WDR72: variants seen among roughly 807,000 people sequenced by gnomAD.
WDR72 encodes WD repeat domain 72, also known as WD repeat-containing protein 72.
In WDR72, 120 loss-of-function variants were observed where a neutral mutation model predicts 124.2. That is an observed-to-expected ratio of 0.97 (90% CI 0.83 to 1.12). The LOEUF is 1.12. WDR72 is among the 50% of genes most tolerant of loss of function. The pLI is 0.00. For synonymous variants in WDR72, 452 were observed against 441.7 expected (o/e 1.02, Z -0.29); for missense variants, 1,387 against 1,278.8 (o/e 1.08, Z -1.29).
At chr15:53,550,349 A>T (rs973704040) in intron 18 of WDR72, among the ~76,000 whole-genome samples, 3 of 152,180 alleles carry the variant, frequency 2.0e-5, no homozygotes, top group Non-Finnish European at 4.4e-5. Flanking sequence ...TTTTTACCAA[A>T]AACAGATAGC....
chr15:53,564,241 A>AT (rs966628597), intron 18 of WDR72, among the ~76,000 whole-genome samples: 6 of 151,760 alleles, frequency 4.0e-5, no homozygotes, highest in Non-Finnish European at 8.8e-5. Flanking sequence ...CTGATAATTG[A>AT]TTTTTTTGGA....
chr15:53,731,425 G>A (rs1432994050), intron 2 of WDR72, among the ~76,000 whole-genome samples: 2 of 151,846 alleles, frequency 1.3e-5, no homozygotes, highest in Admixed American at 1.3e-4. Context: ...CTGGGCATTT[G>A]GAATGGAAAA....
At chr15:53,627,438 C>T (rs918051961) in intron 14 of WDR72, among the ~76,000 whole-genome samples, 2 of 152,124 alleles carry the variant, frequency 1.3e-5, no homozygotes, top group African/African-American at 4.8e-5. Context: ...TGATGCAATT[C>T]AATTGTAGAG....
chr15:53,697,902 G>A lies in WDR72; in HGVS notation c.1765+1848C>T, dbSNP rs1307972806. The stretch of plus-strand genomic sequence containing the variant: ...CCGCTCACTGCAAGCTCCGCCTCCC[G>A]GGTTCACGCCATTCTCCTGCCTCAG... On this transcript the variant is annotated intron_variant, in intron 13 of 19. Coordinates refer to ENST00000360509, the MANE Select transcript of WDR72 (RefSeq NM_182758.4). 3.3e-5 allele frequency among the ~76,000 whole-genome samples: 5 copies of A among 152,142 alleles called. No individual in the cohort carries two copies. The East Asian group carries it at 5.8e-4, about 18-fold the overall frequency.
intron 3 of WDR72, among the ~76,000 whole-genome samples, chr15:53,720,986 G>A (rs751996515): frequency 3.9e-5 from 6 of 152,196 alleles, no homozygotes; most frequent in Non-Finnish European, 7.4e-5. Context: ...AATATGCATT[G>A]TTGTTTGGAA....
intron 14 of WDR72, among the ~76,000 whole-genome samples, chr15:53,647,230 T>C (rs4776169): frequency 6.6e-6 from 1 of 151,932 alleles, no homozygotes; most frequent in African/African-American, 2.4e-5. Context: ...TTCTGAATTA[T>C]AGAAGAAACT....
chr15:53,730,963 T>C (rs2018184618), intron 2 of WDR72, among the ~76,000 whole-genome samples: 1 of 152,106 alleles, frequency 6.6e-6, no homozygotes, highest in Admixed American at 6.6e-5. Context: ...GCAAGATTCA[T>C]GGGAAAATAA....
At chr15:53,724,299 G>C (rs1296352391) in intron 2 of WDR72, among the ~76,000 whole-genome samples, 1 of 152,162 alleles carries the variant, frequency 6.6e-6, no homozygotes, top group Non-Finnish European at 1.5e-5. Flanking sequence ...AAGAGTTCTT[G>C]CCACACACAC....
Position 53,711,368 on chromosome 15 carries a change from A to G in WDR72, c.825T>C (p.Asp275=), listed in dbSNP as rs763550453. ...AAHRILIWTE[D]GHSYIYQLLN... ...GCAGCTGATAGATGTAACTGTGACC[A>G]TCTTCTGTCCAGATGAGGATTCTGT... The change falls in exon 8 of 20, where the codon GAT becomes GAC. Residue 275 remains aspartate, a synonymous_variant. Transcript: ENST00000360509. 5 of 1,614,072 alleles carry G rather than the reference A, an allele frequency of 3.1e-6. No individual in the cohort carries two copies. The highest frequency in any genetic ancestry group is 1.6e-4 in the Middle Eastern group (1 of 6,084).
At chr15:53,656,292 A>C (rs185278734) in intron 14 of WDR72, among the ~76,000 whole-genome samples, 1 of 152,364 alleles carries the variant, frequency 6.6e-6, no homozygotes, top group African/African-American at 2.4e-5. Context: ...GGAGATGCAG[A>C]GAACTGGTGG....
intron 1 of WDR72, among the ~76,000 whole-genome samples, chr15:53,736,252 G>C (rs2018350182): frequency 6.6e-6 from 1 of 152,138 alleles, no homozygotes; most frequent in Admixed American, 6.5e-5. Flanking sequence ...TGGAGTGTTG[G>C]AGTTCAAATA....
chr15:53,682,292 C>T lies in WDR72; in HGVS notation c.1766-16524G>A, dbSNP rs188813627. ...CATGTTCACCACATGGAACTAAAGA[C>T]GACGACTGTGGTGGGCCTGTGGGGT... On this transcript the variant is annotated intron_variant, in intron 13 of 19. Coordinates refer to ENST00000360509, the MANE Select transcript of WDR72 (RefSeq NM_182758.4). Among the ~76,000 whole-genome samples the T allele has an allele frequency of 2.2e-3, 329 of 151,608 alleles. 2 individuals carry two copies. Among genetic ancestry groups the T allele is most frequent in the African/African-American group, 7.6e-3 (317 of 41,480 alleles).
intron 2 of WDR72, among the ~76,000 whole-genome samples, chr15:53,725,389 A>T (rs1180967484): frequency 6.6e-6 from 1 of 152,174 alleles, no homozygotes; most frequent in Non-Finnish European, 1.5e-5. Flanking sequence ...TTTGGAAAAG[A>T]GTACAGTAGT....
Position 53,715,362 on chromosome 15 carries a change from GT to G in WDR72, c.344del (p.Tyr115SerfsTer7). On this transcript the variant is annotated frameshift_variant, in exon 5 of 20. Coordinates refer to ENST00000360509, the MANE Select transcript of WDR72 (RefSeq NM_182758.4). LOFTEE classifies it high-confidence loss of function. Reference sequence around the variant, plus strand: ...CTCCTGTCATCCGGAATGAGCAGTGGTAATACTACGTACATGGAAAGCAAAG... The same window carrying G: ...CTCCTGTCATCCGGAATGAGCAGTGGAATACTACGTACATGGAAAGCAAAG... ...LPYRHTAICY[Y>X]HCSFRMTGEG... 6.2e-7 allele frequency: 1 copy of G among 1,614,068 alleles called. No individual in the cohort carries two copies. Among genetic ancestry groups the G allele is most frequent in the Non-Finnish European group, 8.5e-7 (1 of 1,179,978 alleles).
chr15:53,734,587 C>T (rs1478085022), intron 1 of WDR72, among the ~76,000 whole-genome samples: 1 of 152,034 alleles, frequency 6.6e-6, no homozygotes, highest in Non-Finnish European at 1.5e-5. Context: ...CTAAGAGAAA[C>T]CAGAAAACCA....
chr15:53,516,854 T>A lies in WDR72; in HGVS notation c.*845A>T, dbSNP rs1323963011. The A allele has an allele frequency of 6.6e-6, 1 of 152,076 alleles. No individual in the cohort carries two copies. The highest frequency in any genetic ancestry group is 1.5e-5 in the Non-Finnish European group (1 of 67,972). The allele number at this position is 152,076 out of a possible 1,614,324, so 9.4% of individuals were successfully genotyped here. A position where few individuals can be genotyped will look rare whatever the true frequency, so the allele number is the denominator to read the frequency against. On this transcript the variant is annotated 3_prime_UTR_variant, in exon 20 of 20. Coordinates refer to ENST00000360509, the MANE Select transcript of WDR72 (RefSeq NM_182758.4). ...GGCTTTAATAGAAGAGCACTTTATG[T>A]CTATTCCTATTTATGCTGTTTGATA... is the stretch of plus-strand genomic sequence containing the variant.
At chr15:53,614,271 C>T (rs908927914) in intron 15 of WDR72, among the ~76,000 whole-genome samples, 2 of 152,036 alleles carry the variant, frequency 1.3e-5, no homozygotes, top group Non-Finnish European at 2.9e-5. Context: ...ATCATGTGCC[C>T]AGGTGTTAAG....
At chr15:53,540,191 TAA>T (rs1216027328) in intron 18 of WDR72, among the ~76,000 whole-genome samples, 1 of 152,182 alleles carries the variant, frequency 6.6e-6, no homozygotes, top group Non-Finnish European at 1.5e-5. Flanking sequence ...TCTCTGAATA[TAA>T]GACACATAAT....
chr15:53,655,315 G>A (rs1236425426), intron 14 of WDR72, among the ~76,000 whole-genome samples: 2 of 149,310 alleles, frequency 1.3e-5, no homozygotes, highest in Admixed American at 6.7e-5. Context: ...TAATTGATCT[G>A]GTTTAATAAA....
Sources: allele counts gnomAD v4.1 joint callset (sites outside exome capture counted in the v4.1 genomes callset), GRCh38; gene constraint gnomAD v4.1.1; transcripts MANE v1.5; gene names NCBI Gene and HGNC (gene_info 2026-07-23, HGNC 2026-07-21).